AGAP3: variants seen among roughly 807,000 people sequenced by gnomAD.
AGAP3 encodes ArfGAP with GTPase domain, ankyrin repeat and PH domain 3.
A neutral mutation model predicts 96.9 loss-of-function variants in AGAP3; 24 were observed. That is an observed-to-expected ratio of 0.25 (90% confidence interval 0.18 to 0.35). The LOEUF (loss-of-function observed/expected upper bound fraction) is 0.35, where lower values mean the gene tolerates loss of function less well. Ranked by LOEUF, AGAP3 falls within the 10% of genes least tolerant of loss-of-function variation. The pLI is 1.00. For synonymous variants in AGAP3, 563 were observed against 536.1 expected, an observed-to-expected ratio of 1.05 and a Z score of -0.69; for missense variants, 876 against 1,254.2, an observed-to-expected ratio of 0.70 and a Z score of 4.55.
At chr7:151,120,754 T>G (rs999602670) in intron 8 of AGAP3, 11 of 1,195,124 alleles carry the variant, frequency 9.2e-6, no homozygotes, top group Admixed American at 6.5e-5. Flanking sequence ...AGGTTTGTCC[T>G]GTCTCCTTGT....
rs1584793914 is a variant in AGAP3, at chr7:151,142,123, A to G, written c.1960-40A>G. ...GGGACTGAAAGGGGCCTCATGACTG[A>G]CCAACCGCCCCTTGTCTTGTCTCTC... is the stretch of plus-strand genomic sequence containing the variant. On this transcript the variant is annotated intron_variant, in intron 14 of 17. Transcript: ENST00000397238. The surrounding 1 kb of genome is among the most constrained non-coding windows in gnomAD (Gnocchi z 7.5). 2 of 1,610,706 alleles carry G rather than the reference A, an allele frequency of 1.2e-6. No homozygotes were observed. Among genetic ancestry groups the G allele is most frequent in the Non-Finnish European group, 1.7e-6 (2 of 1,177,892 alleles).
chr7:151,115,055 C>T (rs1799485589), intron 1 of AGAP3: 7 of 1,009,824 alleles, frequency 6.9e-6, no homozygotes, highest in Non-Finnish European at 7.1e-6. Flanking sequence ...CGGGACCGCC[C>T]GTCTCGCCTG....
chr7:151,090,150 C>T (rs1463614411), intron 1 of AGAP3: 6 of 152,086 alleles, frequency 3.9e-5, no homozygotes, highest in Admixed American at 2.0e-4. Context: ...CTGCTGGTCC[C>T]AGTCGTTGTG....
Position 151,141,974 on chromosome 7 carries a change from G to A in AGAP3, c.1881G>A (p.Glu627=). 1 of 1,614,224 alleles carries A rather than the reference G, an allele frequency of 6.2e-7. No homozygotes were observed. Among genetic ancestry groups the A allele is most frequent in the East Asian group, 2.2e-5 (1 of 44,876 alleles). Residue 627 remains glutamate (E), a synonymous_variant, in exon 14 of 18, where the codon GAG becomes GAA. Transcript: ENST00000397238. This position sits in a 1 kb window ranked among gnomAD's most constrained non-coding sequence, Gnocchi z 4.2. ...GGCACTTCGAGGCTTCAACGGCGGA[G>A]GAGCGGGAGCTGTGGGTTCAGAGTG... The part of the protein sequence containing the change: ...QTWHFEASTA[E]ERELWVQSVQ...
At chr7:151,095,318 T>G (rs1369547485) in intron 1 of AGAP3, among the ~76,000 whole-genome samples, 1 of 152,248 alleles carries the variant, frequency 6.6e-6, no homozygotes, top group Non-Finnish European at 1.5e-5. Flanking sequence ...CCCAGGAGGC[T>G]GAGGCTGGCT....
At chr7:151,115,144 C>G in intron 1 of AGAP3, 3 of 1,045,288 alleles carry the variant, frequency 2.9e-6, no homozygotes, top group Non-Finnish European at 3.5e-6. Context: ...CCCCGGCCGG[C>G]CAGCATGACT....
chr7:151,111,561 C>T (rs1469200344), intron 1 of AGAP3, among the ~76,000 whole-genome samples: 1 of 152,096 alleles, frequency 6.6e-6, no homozygotes, highest in Non-Finnish European at 1.5e-5. Flanking sequence ...GTTCTCTCTC[C>T]CCGTCATGAC....
intron 11 of AGAP3, 168 bp from the exon 12 acceptor site, chr7:151,137,975 G>T: frequency 3.3e-6 from 2 of 608,100 alleles, no homozygotes; most frequent in East Asian, 2.8e-5. Flanking sequence ...GGCACACAGG[G>T]TCCCTGCGCA....
At chr7:151,120,683 T>C (rs1039221406) in intron 8 of AGAP3, 27 of 1,260,534 alleles carry the variant, frequency 2.1e-5, no homozygotes, top group Non-Finnish European at 2.6e-5. Context: ...CTGTGATTGG[T>C]TTAACAAAGG....
intron 1 of AGAP3, among the ~76,000 whole-genome samples, chr7:151,095,281 G>C (rs1313189897): frequency 6.6e-6 from 1 of 152,232 alleles, no homozygotes; most frequent in Non-Finnish European, 1.5e-5. Context: ...GCCCTGAGCT[G>C]AGCAGACAGT....
Position 151,126,818 on chromosome 7 carries a change from T to TA in AGAP3, c.1222-1761dup, listed in dbSNP as rs139578195. ...CCGCTTGCCTTGTGGAAGGTCCCCT[T>TA]AGTGCCGCTAGTTTTCAGAAACCCC... On this transcript the variant is annotated intron_variant, in intron 9 of 17. Coordinates refer to ENST00000397238, the MANE Select transcript of AGAP3 (RefSeq NM_031946.7). 9.2e-3 allele frequency among the ~76,000 whole-genome samples: 1,397 copies of TA among 152,294 alleles called. 23 individuals are homozygous for TA. The highest frequency in any genetic ancestry group is 0.032 in the African/African-American group (1,339 of 41,564).
At chr7:151,111,898 T>A (rs1475158037) in intron 1 of AGAP3, among the ~76,000 whole-genome samples, 2 of 152,190 alleles carry the variant, frequency 1.3e-5, no homozygotes, top group Non-Finnish European at 2.9e-5. Flanking sequence ...AGGGCTTGTG[T>A]TGTGGGATTT....
chr7:151,093,789 C>A (rs750284553), intron 1 of AGAP3, among the ~76,000 whole-genome samples: 105 of 152,212 alleles, frequency 6.9e-4, no homozygotes, highest in Non-Finnish European at 1.5e-3. Flanking sequence ...GGGTTCCCGT[C>A]CCTGCTCTGC....
chr7:151,097,496 C>T lies in AGAP3; in HGVS notation c.331+10424C>T, dbSNP rs1396147174. Among the ~76,000 whole-genome samples, 7 of 136,068 alleles carry T rather than the reference C, an allele frequency of 5.1e-5. No individual in the cohort carries two copies. The East Asian group carries it at 6.4e-4, about 12-fold the overall frequency. 89.3% of individuals were successfully genotyped at this position (136,068 alleles called of 152,430 possible). On this transcript the variant is annotated intron_variant, in intron 1 of 17. Transcript: ENST00000397238. ...GCAGTGAGCTGAGATTATGCCTGGG[C>T]GACAGAGTGAGACTCTGTCTCAAAA...
At chr7:151,102,910 C>T (rs1434800469) in intron 1 of AGAP3, among the ~76,000 whole-genome samples, 2 of 152,214 alleles carry the variant, frequency 1.3e-5, no homozygotes, top group Non-Finnish European at 2.9e-5. Context: ...CCTCACCCAG[C>T]CGCTACAAAA....
intron 1 of AGAP3, among the ~76,000 whole-genome samples, chr7:151,094,554 A>G (rs2150409726): frequency 6.6e-6 from 1 of 151,928 alleles, no homozygotes; most frequent in Non-Finnish European, 1.5e-5. Flanking sequence ...ATCACTAGCT[A>G]TTTCATTATT....
At chr7:151,126,055 T>TGGGGGGGGGGG (rs1800149336) in intron 9 of AGAP3, among the ~76,000 whole-genome samples, 1 of 129,000 alleles carries the variant, frequency 7.8e-6, no homozygotes, top group Non-Finnish European at 1.7e-5. Context: ...AGCGGGCGGG[T>TGGGGGGGGGGG]GGGTGGGGTG....
In AGAP3 at chr7:151,118,599, C is replaced by T. The variant is rs372837701; in HGVS notation, c.936C>T (p.Ser312=). 419 of 1,613,964 alleles carry T rather than the reference C, an allele frequency of 2.6e-4. 4 individuals are homozygous for T. The highest frequency in any genetic ancestry group is 1.8e-3 in the East Asian group (82 of 44,868). The change falls in exon 7 of 18, where the codon TCC becomes TCT. Residue 312 remains serine (S), a synonymous_variant. Coordinates refer to ENST00000397238, the MANE Select transcript of AGAP3 (RefSeq NM_031946.7). This position sits in a 1 kb window ranked among gnomAD's most constrained non-coding sequence, Gnocchi z 6.1. ...ACTCGCCCAGCCACTCGGCCGTGTC[C>T]GCCGCCTCCATCCCGGCCGTGCACA... is the stretch of plus-strand genomic sequence containing the variant. ...LPNSPSHSAV[S]AASIPAVHIN...
At position 151,116,725 on chromosome 7, in the gene AGAP3, A is replaced by G. The variant is rs1718043203; in HGVS notation, c.332-68A>G. The G allele has an allele frequency of 7.0e-6, 11 of 1,577,024 alleles. No individual in the cohort carries two copies. In the South Asian group the frequency reaches 1.0e-4, roughly 14 times the overall value. ...TTGGGGAGGGCATCATAGGTGACACAGGCAGCAGTGGTTGGGACAGGTGTG... is the reference window on the plus strand; with the variant it reads ...TTGGGGAGGGCATCATAGGTGACACGGGCAGCAGTGGTTGGGACAGGTGTG... On this transcript the variant is annotated intron_variant, in intron 1 of 17. Coordinates refer to ENST00000397238, the MANE Select transcript of AGAP3 (RefSeq NM_031946.7).
Sources: gnomAD v4.1 joint callset for allele counts (sites outside exome capture counted in the v4.1 genomes callset) on GRCh38, gnomAD v4.1.1 for gene constraint, Gnocchi (gnomAD v3.1) non-coding constraint, MANE v1.5 for transcripts, NCBI Gene and HGNC (gene_info 2026-07-23, HGNC 2026-07-21) for gene names.